The following AKAP13 variants were observed in gnomAD, a reference collection of about 807,000 sequenced individuals.
AKAP13 encodes the protein A-kinase anchoring protein 13, also known as A-kinase anchor protein 13.
AKAP13 carries 80 observed loss-of-function variants against 264.5 expected under a neutral mutation model. That is an observed-to-expected ratio of 0.30 (90% CI 0.25 to 0.36). The LOEUF is 0.36. AKAP13 is among the 10% of genes least tolerant of loss of function. AKAP13 has a pLI of 1.00. For synonymous variants in AKAP13, 1,380 were observed against 1,250.2 expected (o/e 1.10, Z -2.19); for missense variants, 3,712 against 3,435.2 (o/e 1.08, Z -2.01).
intron 33 of AKAP13, among the ~76,000 whole-genome samples, chr15:85,738,672 AC>A (rs1239040249): frequency 1.3e-5 from 2 of 151,486 alleles, no homozygotes; most frequent in Non-Finnish European, 2.9e-5. Context: ...CCCCGTCTCT[AC>A]TAAAAATACA....
chr15:85,606,404 G>A (rs2080342732), intron 8 of AKAP13, among the ~76,000 whole-genome samples: 2 of 152,090 alleles, frequency 1.3e-5, no homozygotes, highest in Middle Eastern at 3.4e-3. Flanking sequence ...GCCCAGCCTA[G>A]GTTTGATTTA....
intron 1 of AKAP13, among the ~76,000 whole-genome samples, chr15:85,399,527 A>AAAAAAAATAAAT (rs1567038675): frequency 8.7e-6 from 1 of 114,740 alleles, no homozygotes; most frequent in Non-Finnish European, 1.8e-5. Flanking sequence ...AAAAAATAAA[A>AAAAAAAATAAAT]AAATAAAAAA....
intron 11 of AKAP13, among the ~76,000 whole-genome samples, chr15:85,657,393 T>C (rs1324027440): frequency 6.6e-6 from 1 of 152,182 alleles, no homozygotes; most frequent in East Asian, 1.9e-4. Context: ...TCTTACACTT[T>C]CCTAATTTGC....
At chr15:85,410,756 C>A (rs549031380) in intron 1 of AKAP13, among the ~76,000 whole-genome samples, 1 of 151,690 alleles carries the variant, frequency 6.6e-6, no homozygotes, top group South Asian at 2.1e-4. Context: ...CCCTTTCCTC[C>A]TTGAATCCTT....
chr15:85,478,126 T>TA (rs2075234600), intron 1 of AKAP13, among the ~76,000 whole-genome samples: 1 of 152,210 alleles, frequency 6.6e-6, no homozygotes, highest in Non-Finnish European at 1.5e-5. Flanking sequence ...CATACTGTAA[T>TA]ATCTGTTTAC....
intron 4 of AKAP13, among the ~76,000 whole-genome samples, chr15:85,541,413 T>G (rs1230397747): frequency 6.6e-6 from 1 of 152,146 alleles, no homozygotes; most frequent in Admixed American, 6.5e-5. Flanking sequence ...GGCTATTTGC[T>G]GTGTGATTCT....
intron 1 of AKAP13, among the ~76,000 whole-genome samples, chr15:85,477,646 A>G (rs906125147): frequency 4.1e-4 from 62 of 151,794 alleles, no homozygotes; most frequent in African/African-American, 1.4e-3. Flanking sequence ...GGAAAAAAAA[A>G]AAAAAAAAAA....
intron 5 of AKAP13, among the ~76,000 whole-genome samples, chr15:85,560,992 T>C (rs999537987): frequency 6.6e-6 from 1 of 151,698 alleles, no homozygotes; most frequent in Non-Finnish European, 1.5e-5. Context: ...CACTCATGCC[T>C]GAGGACCACC....
At chr15:85,676,601 C>T (rs920494690) in intron 14 of AKAP13, among the ~76,000 whole-genome samples, 3 of 152,068 alleles carry the variant, frequency 2.0e-5, no homozygotes, top group South Asian at 2.1e-4. Flanking sequence ...GTATGCAGAT[C>T]GTTGTTAAGA....
In AKAP13 at chr15:85,726,984, G is replaced by T. The variant is rs893807797; in HGVS notation, c.6823-82G>T. The T allele has an allele frequency of 7.4e-6, 11 of 1,495,262 alleles. No individual in the cohort carries two copies. In the African/African-American group the frequency reaches 1.5e-4, roughly 21 times the overall value. The allele number at this position is 1,495,262 out of a possible 1,614,324, so 92.6% of individuals were successfully genotyped here. A position where few individuals can be genotyped will look rare whatever the true frequency, so the allele number is the denominator to read the frequency against. On this transcript the variant is annotated intron_variant, in intron 27 of 36. Transcript: ENST00000394518. ...ACTATGTGCTTTTTTAACAGCATCT[G>T]GTCTTACCTTAGATTGAAGCTGTCC...
At chr15:85,434,719 C>T in intron 1 of AKAP13, among the ~76,000 whole-genome samples, 1 of 152,158 alleles carries the variant, frequency 6.6e-6, no homozygotes, top group East Asian at 1.9e-4. Flanking sequence ...ACACTGACAC[C>T]TCACACGGCA....
chr15:85,451,113 T>G (rs2074074180), intron 1 of AKAP13, among the ~76,000 whole-genome samples: 1 of 152,232 alleles, frequency 6.6e-6, no homozygotes, highest in Non-Finnish European at 1.5e-5. Context: ...TCCCATGCCC[T>G]TCCTTGTCTT....
In AKAP13 at chr15:85,645,403, A is replaced by G. The variant is rs143456380; in HGVS notation, c.4238-415A>G. Among the ~76,000 whole-genome samples, 984 of 152,366 alleles carry G rather than the reference A, an allele frequency of 6.5e-3. 11 individuals are homozygous for G. The highest frequency in any genetic ancestry group is 0.022 in the African/African-American group (925 of 41,582). ...TTACTCAGTAGAACCTATAAGTTTAAAACAAACCCCATCACATAGTTGCTA... is the reference window on the plus strand; with the variant it reads ...TTACTCAGTAGAACCTATAAGTTTAGAACAAACCCCATCACATAGTTGCTA... On this transcript the variant is annotated intron_variant, in intron 9 of 36. Transcript: ENST00000394518.
At chr15:85,413,252 A>C (rs1474246987) in intron 1 of AKAP13, among the ~76,000 whole-genome samples, 1 of 152,308 alleles carries the variant, frequency 6.6e-6, no homozygotes, top group Non-Finnish European at 1.5e-5. Flanking sequence ...GTGGAGCTGG[A>C]TCTTTAGAAG....
At chr15:85,664,837 G>A (rs761150279) in intron 13 of AKAP13, 82 bp downstream of exon 13, 47 of 1,307,034 alleles carry the variant, frequency 3.6e-5, no homozygotes, top group Non-Finnish European at 4.9e-5. Context: ...GGTAGTATAA[G>A]GCTAGTAGCT....
At chr15:85,655,158 C>T (rs1328646699) in intron 10 of AKAP13, among the ~76,000 whole-genome samples, 1 of 152,152 alleles carries the variant, frequency 6.6e-6, no homozygotes, top group Non-Finnish European at 1.5e-5. Flanking sequence ...AGCCACTGTA[C>T]TCCAGCCTGG....
At chr15:85,427,807 T>C (rs942993507) in intron 1 of AKAP13, among the ~76,000 whole-genome samples, 3 of 152,212 alleles carry the variant, frequency 2.0e-5, no homozygotes, top group African/African-American at 7.2e-5. Flanking sequence ...TAGTCATAAG[T>C]GACATGGCTG....
At chr15:85,487,452 T>C (rs1018066613) in intron 2 of AKAP13, among the ~76,000 whole-genome samples, 2 of 152,240 alleles carry the variant, frequency 1.3e-5, no homozygotes, top group African/African-American at 4.8e-5. Context: ...CTAGTTTGAC[T>C]ATTTTTATGA....
rs1167007660 is a variant in AKAP13, at chr15:85,555,555, CT to C, written c.662+11601del. On this transcript the variant is annotated intron_variant, in intron 5 of 36. Transcript: ENST00000394518. ...CATTGTTTATTCTCTGACATTTTCT[CT>C]GGCTTTTTGCTGTAACTCAACCTGA... 7.1e-6 allele frequency: 8 copies of C among 1,128,300 alleles called. No homozygotes were observed. In the African/African-American group the frequency reaches 1.3e-4, roughly 18 times the overall value. 69.9% of individuals were successfully genotyped at this position (1,128,300 alleles called of 1,614,324 possible).
Sources: gnomAD v4.1 joint callset for allele counts (sites outside exome capture counted in the v4.1 genomes callset) on GRCh38, gnomAD v4.1.1 for gene constraint, MANE v1.5 for transcripts, NCBI Gene and HGNC (gene_info 2026-07-23, HGNC 2026-07-21) for gene names.